Variants in STXBP5 observed in about 807,000 individuals in gnomAD.
STXBP5 encodes the protein syntaxin-binding protein 5.
STXBP5 carries 50 observed loss-of-function variants against 152.4 expected under a neutral mutation model. The observed-to-expected ratio is 0.33, with a 90% confidence interval of 0.26 to 0.42. STXBP5 has a LOEUF of 0.42. Among genes scored for constraint, STXBP5 ranks in the 10% least tolerant of loss-of-function variants. The probability of loss-of-function intolerance (pLI) is 1.00; values close to 1 mark genes in which losing one functional copy is unlikely to be tolerated. For synonymous variants in STXBP5, 492 were observed against 494.7 expected (o/e 0.99, Z 0.07); for missense variants, 1,167 against 1,388.6 (o/e 0.84, Z 2.54).
chr6:147,351,969 T>C (rs1360495124), intron 21 of STXBP5: 4 of 884,636 alleles, frequency 4.5e-6, no homozygotes, highest in Non-Finnish European at 5.4e-6. Context: ...ACAAATGCTT[T>C]TTGAAAATTT....
At chr6:147,350,861 A>G (rs541057907) in intron 21 of STXBP5, among the ~76,000 whole-genome samples, 4 of 152,280 alleles carry the variant, frequency 2.6e-5, no homozygotes, top group South Asian at 2.1e-4. Context: ...CCTCTCAGCT[A>G]TCTATCCTCA....
chr6:147,247,766 A>G (rs1166917084), intron 4 of STXBP5, among the ~76,000 whole-genome samples: 1 of 152,156 alleles, frequency 6.6e-6, no homozygotes, highest in East Asian at 1.9e-4. Context: ...TTACACTTAT[A>G]TAGATTTTTA....
At chr6:147,280,296 G>A (rs148728753) in intron 8 of STXBP5, among the ~76,000 whole-genome samples, 44 of 152,146 alleles carry the variant, frequency 2.9e-4, no homozygotes, top group African/African-American at 9.2e-4. Flanking sequence ...GATTTAGGTT[G>A]CACGTTTTTG....
rs770894319 is a variant in STXBP5, at chr6:147,204,706, G to C, written c.150+24G>C. The C allele has an allele frequency of 3.7e-5, 56 of 1,534,234 alleles. No individual in the cohort carries two copies. Among genetic ancestry groups the C allele is most frequent in the Non-Finnish European group, 4.7e-5 (53 of 1,138,244 alleles). On this transcript the variant is annotated intron_variant, in intron 1 of 27. Coordinates refer to ENST00000321680, the MANE Select transcript of STXBP5 (RefSeq NM_001127715.4). This position sits in a 1 kb window ranked among gnomAD's most constrained non-coding sequence, Gnocchi z 4.3. ...AGGTGAACGGAGCGCGCAGCCCCGC[G>C]ACACCGTCATTGAAAAATTGGGGTT... is the stretch of plus-strand genomic sequence containing the variant.
In STXBP5 at chr6:147,353,389, AT is replaced by A. The variant is rs1463681974; in HGVS notation, c.2305+18del. ...CCTGATTTAGGTAAGTAAAATAAAT[AT>A]TCAAAATAATTTAACTCCCTATAAT... is the stretch of plus-strand genomic sequence containing the variant. On this transcript the variant is annotated intron_variant, in intron 22 of 27. Transcript: ENST00000321680. 1 of 1,521,288 alleles carries A rather than the reference AT, an allele frequency of 6.6e-7. No individual in the cohort carries two copies. Among genetic ancestry groups the A allele is most frequent in the Admixed American group, 1.9e-5 (1 of 51,554 alleles). 94.2% of individuals were successfully genotyped at this position (1,521,288 alleles called of 1,614,324 possible). A position where few individuals can be genotyped will look rare whatever the true frequency, so the allele number is the denominator to read the frequency against.
chr6:147,300,387 A>G (rs1386143478), intron 9 of STXBP5, among the ~76,000 whole-genome samples: 1 of 152,094 alleles, frequency 6.6e-6, no homozygotes, highest in Non-Finnish European at 1.5e-5. Flanking sequence ...TGCTGAAGAC[A>G]TCACACTACC....
At position 147,205,967 on chromosome 6, in the gene STXBP5, C is replaced by G. The variant is rs763851349; in HGVS notation, c.151-4C>G. 1.2e-6 allele frequency: 2 copies of G among 1,613,612 alleles called. No individual in the cohort carries two copies. Among genetic ancestry groups the G allele is most frequent in the African/African-American group, 2.7e-5 (2 of 74,918 alleles). On this transcript the variant is annotated splice_region_variant and splice_polypyrimidine_tract_variant and intron_variant, in intron 1 of 27. Coordinates refer to ENST00000321680, the MANE Select transcript of STXBP5 (RefSeq NM_001127715.4). ...TTGCTGTGATGTCACTTGCCCATCC[C>G]TAGACTGTTCGCCATGGATTTCCCT...
At chr6:147,325,589 T>C (rs1783209310) in intron 17 of STXBP5, among the ~76,000 whole-genome samples, 1 of 152,240 alleles carries the variant, frequency 6.6e-6, no homozygotes, top group Non-Finnish European at 1.5e-5. Context: ...TTCAGCCATA[T>C]AGTGTTAATT....
At chr6:147,295,530 C>T (rs1024776285) in intron 9 of STXBP5, among the ~76,000 whole-genome samples, 4 of 152,124 alleles carry the variant, frequency 2.6e-5, no homozygotes, top group Non-Finnish European at 4.4e-5. Context: ...AGTGATAGAG[C>T]GCAGAAAGCG....
At chr6:147,288,290 A>G (rs1781096873) in intron 8 of STXBP5, among the ~76,000 whole-genome samples, 1 of 152,120 alleles carries the variant, frequency 6.6e-6, no homozygotes, top group Non-Finnish European at 1.5e-5. Flanking sequence ...GGTTCACACA[A>G]AATGTTGATT....
At chr6:147,276,144 T>G (rs1780432840) in intron 7 of STXBP5, among the ~76,000 whole-genome samples, 2 of 152,242 alleles carry the variant, frequency 1.3e-5, no homozygotes, top group Non-Finnish European at 2.9e-5. Flanking sequence ...GTATGTTTTA[T>G]GCATGGTAGA....
In STXBP5 at chr6:147,373,856, T is replaced by C. The variant is rs750086177; in HGVS notation, c.3193+14T>C. ...GAGAAGAACTATGTAAGTTGATTTA[T>C]TTAATTCGGATAATATATCTATAAA... On this transcript the variant is annotated intron_variant, in intron 26 of 27. Transcript: ENST00000321680. 4.4e-6 allele frequency: 7 copies of C among 1,586,946 alleles called. No homozygotes were observed. The African/African-American group carries it at 6.7e-5, about 15-fold the overall frequency.
At chr6:147,323,092 T>C (rs1783020251) in intron 16 of STXBP5, among the ~76,000 whole-genome samples, 1 of 144,172 alleles carries the variant, frequency 6.9e-6, no homozygotes. Context: ...GTACATTCAC[T>C]GTTTCTTCTT....
intron 11 of STXBP5, among the ~76,000 whole-genome samples, chr6:147,313,392 T>C (rs534616385): frequency 6.6e-6 from 1 of 152,338 alleles, no homozygotes; most frequent in South Asian, 2.1e-4. Flanking sequence ...ACATTTAAGG[T>C]AGAATTTTAT....
At chr6:147,372,101 T>C (rs923920280) in intron 25 of STXBP5, among the ~76,000 whole-genome samples, 2 of 152,122 alleles carry the variant, frequency 1.3e-5, no homozygotes, top group Non-Finnish European at 2.9e-5. Flanking sequence ...TTATTCCAGG[T>C]TTACTACACT....
At chr6:147,315,923 A>C (rs1416186171) in intron 15 of STXBP5, among the ~76,000 whole-genome samples, 188 bp downstream of exon 15, 2 of 152,174 alleles carry the variant, frequency 1.3e-5, no homozygotes, top group Non-Finnish European at 2.9e-5. Flanking sequence ...GATTATTTAA[A>C]TCCTTAAGTA....
chr6:147,240,059 C>A (rs958404593), intron 4 of STXBP5, among the ~76,000 whole-genome samples: 4 of 151,970 alleles, frequency 2.6e-5, no homozygotes, highest in African/African-American at 2.4e-5. Context: ...TCTCATGCCT[C>A]AGCCTCCTGA....
chr6:147,373,603 C>G (rs541846445), intron 25 of STXBP5, 128 bp from the exon 26 acceptor site: 65 of 641,206 alleles, frequency 1.0e-4, no homozygotes, highest in African/African-American at 9.1e-4. Context: ...AGGACATGTA[C>G]TCATTAATTG....
intron 7 of STXBP5, among the ~76,000 whole-genome samples, chr6:147,267,477 A>T (rs952111627): frequency 6.6e-6 from 1 of 152,122 alleles, no homozygotes; most frequent in Admixed American, 6.5e-5. Flanking sequence ...TGTACGAATG[A>T]TAGTATACTA....
Sources: allele counts gnomAD v4.1 joint callset (sites outside exome capture counted in the v4.1 genomes callset), GRCh38; gene constraint gnomAD v4.1.1; non-coding constraint Gnocchi (gnomAD v3.1); transcripts MANE v1.5; gene names NCBI Gene and HGNC (gene_info 2026-07-23, HGNC 2026-07-21).